NRXN3: variants seen among roughly 807,000 people sequenced by gnomAD.
NRXN3 encodes neurexin III.
Under a neutral mutation model 137.6 loss-of-function variants are expected in NRXN3, and 32 were observed. The ratio of observed to expected loss-of-function variants is 0.23; its 90% CI spans 0.18 to 0.31. NRXN3 has a LOEUF of 0.31. Ranked by LOEUF, NRXN3 falls within the 10% of genes least tolerant of loss-of-function variation. The probability of loss-of-function intolerance (pLI) is 1.00; values close to 1 mark genes in which losing one functional copy is unlikely to be tolerated. For missense variants in NRXN3, 1,574 were observed against 2,062.5 expected, an observed-to-expected ratio of 0.76 and a Z score of 4.59; for synonymous variants, 798 against 784.5, an observed-to-expected ratio of 1.02 and a Z score of -0.29.
chr14:78,712,673 C>T (rs7148462), intron 7 of NRXN3, among the ~76,000 whole-genome samples: 76,645 of 152,092 alleles, frequency 0.5, 22,659 homozygotes, highest in Non-Finnish European at 0.64. Flanking sequence ...AGGAATTCTC[C>T]TGCCTCAACC....
At chr14:78,192,065 AGTGTGTGT>A (rs34445474) in intron 1 of NRXN3, among the ~76,000 whole-genome samples, 11,912 of 142,874 alleles carry the variant, frequency 0.083, 568 homozygotes, top group East Asian at 0.2. Context: ...GCTGCCCGAA[AGTGTGTGT>A]GTGTGTGTGT....
In NRXN3 at chr14:78,868,883, T is replaced by A. The variant is rs149955022; in HGVS notation, c.2275+58539T>A. Among the ~76,000 whole-genome samples, 269 of 152,180 alleles carry A rather than the reference T, an allele frequency of 1.8e-3. 1 individual carries two copies. The highest frequency in any genetic ancestry group is 6.3e-3 in the African/African-American group (262 of 41,532). On this transcript the variant is annotated intron_variant, in intron 10 of 20. Transcript: ENST00000335750. ...AACATAGCTTTGCAACTGAATGGCA[T>A]CCCATTCACTTAGCATCATAATGGA...
At chr14:78,567,546 G>A (rs780509479) in intron 4 of NRXN3, among the ~76,000 whole-genome samples, 4 of 152,118 alleles carry the variant, frequency 2.6e-5, no homozygotes, top group African/African-American at 7.2e-5. Context: ...CTCCTGCCAA[G>A]ACTCTTGGTT....
At chr14:79,321,126 C>A (rs1425593427) in intron 15 of NRXN3, among the ~76,000 whole-genome samples, 1 of 151,988 alleles carries the variant, frequency 6.6e-6, no homozygotes, top group African/African-American at 2.4e-5. Flanking sequence ...TTTCTTTGAA[C>A]TTTGTAGTTC....
rs2096441823 is a variant in NRXN3 at position 79,467,411 on chromosome 14, A to G, written c.3444+9A>G. On this transcript the variant is annotated intron_variant, in intron 16 of 20. Coordinates refer to ENST00000335750, the MANE Select transcript of NRXN3 (RefSeq NM_001330195.2). The stretch of plus-strand genomic sequence containing the variant: ...TCCTCCAGCTTCACATAGTGAGTAC[A>G]GGGCCTTGGCCTGGATTTTCTTATG... The G allele has an allele frequency of 6.3e-7, 1 of 1,584,746 alleles. No homozygotes were observed. Among genetic ancestry groups the G allele is most frequent in the Non-Finnish European group, 8.6e-7 (1 of 1,157,602 alleles).
intron 4 of NRXN3, among the ~76,000 whole-genome samples, chr14:78,328,107 A>AAGCC (rs2080324554): frequency 6.6e-6 from 1 of 152,180 alleles, no homozygotes; most frequent in South Asian, 2.1e-4. Flanking sequence ...ACACATAACA[A>AAGCC]AGCCGACACA....
intron 1 of NRXN3, among the ~76,000 whole-genome samples, chr14:78,190,765 C>T (rs1277019519): frequency 6.6e-6 from 1 of 152,110 alleles, no homozygotes; most frequent in African/African-American, 2.4e-5. Context: ...CCTCTGCCTC[C>T]CGGGTTCAGG....
intron 8 of NRXN3, among the ~76,000 whole-genome samples, chr14:78,755,112 C>A (rs143329790): frequency 6.6e-6 from 1 of 152,016 alleles, no homozygotes. Context: ...CTGTCACCCC[C>A]GGGCTAAATT....
intron 19 of NRXN3, among the ~76,000 whole-genome samples, chr14:79,712,445 A>C (rs1234444492): frequency 1.3e-5 from 2 of 152,226 alleles, no homozygotes; most frequent in Non-Finnish European, 2.9e-5. Flanking sequence ...ACAATGTAAG[A>C]TCATACATGA....
intron 15 of NRXN3, among the ~76,000 whole-genome samples, chr14:79,061,598 C>T (rs1008071122): frequency 2.6e-5 from 4 of 152,182 alleles, no homozygotes; most frequent in Non-Finnish European, 5.9e-5. Flanking sequence ...TTTATTAGCA[C>T]TGCAGTGGAA....
intron 15 of NRXN3, among the ~76,000 whole-genome samples, chr14:79,331,960 A>G (rs540259113): frequency 6.6e-6 from 1 of 152,156 alleles, no homozygotes; most frequent in East Asian, 1.9e-4. Flanking sequence ...ACTTTATTAC[A>G]TTCCCAAATG....
intron 4 of NRXN3, among the ~76,000 whole-genome samples, chr14:78,578,998 G>T (rs2096964874): frequency 6.6e-6 from 1 of 151,940 alleles, no homozygotes; most frequent in Non-Finnish European, 1.5e-5. Flanking sequence ...TTTTACAAGT[G>T]CTGAGAGAAC....
intron 15 of NRXN3, among the ~76,000 whole-genome samples, chr14:79,133,074 G>A (rs191461136): frequency 3.3e-5 from 5 of 152,380 alleles, no homozygotes; most frequent in Admixed American, 3.3e-4. Context: ...ACTCTTTGCA[G>A]CTCAGGTCAG....
chr14:79,806,869 C>G (rs1357975558), intron 20 of NRXN3, among the ~76,000 whole-genome samples: 1 of 140,668 alleles, frequency 7.1e-6, no homozygotes, highest in Non-Finnish European at 1.5e-5. Context: ...TAATAGGTCA[C>G]AATCCTCAAT....
chr14:79,135,271 C>T (rs1379833667), intron 15 of NRXN3, among the ~76,000 whole-genome samples: 1 of 152,166 alleles, frequency 6.6e-6, no homozygotes, highest in Non-Finnish European at 1.5e-5. Context: ...ATGGTTTCAC[C>T]TCCAAGATTT....
intron 1 of NRXN3, among the ~76,000 whole-genome samples, chr14:78,228,123 A>G (rs2064915921): frequency 6.6e-6 from 1 of 151,582 alleles, no homozygotes; most frequent in African/African-American, 2.4e-5. Context: ...AAACCACTAC[A>G]CAACATTATG....
chr14:79,861,267 C>A lies in NRXN3; in HGVS notation c.4094-75C>A. 2 of 1,536,008 alleles carry A rather than the reference C, an allele frequency of 1.3e-6. No homozygotes were observed. Among genetic ancestry groups the A allele is most frequent in the Non-Finnish European group, 1.7e-6 (2 of 1,146,866 alleles). On this transcript the variant is annotated intron_variant, in intron 20 of 20. Coordinates refer to ENST00000335750, the MANE Select transcript of NRXN3 (RefSeq NM_001330195.2). The surrounding 1 kb of genome is among the most constrained non-coding windows in gnomAD (Gnocchi z 5.4). ...GGCTTGGTGATATCTGGGTATGGCT[C>A]AGGGGAAACCTTTGACTCTAACCTG...
chr14:79,364,809 A>C (rs2093819342), intron 15 of NRXN3, among the ~76,000 whole-genome samples: 1 of 152,102 alleles, frequency 6.6e-6, no homozygotes, highest in Non-Finnish European at 1.5e-5. Flanking sequence ...TCAGGTGGTA[A>C]GTAGGGGTTC....
At chr14:78,529,007 G>A (rs2096421527) in intron 4 of NRXN3, among the ~76,000 whole-genome samples, 1 of 152,110 alleles carries the variant, frequency 6.6e-6, no homozygotes. Flanking sequence ...AGAAACTGGG[G>A]CCTAAGATCA....
Sources: allele counts gnomAD v4.1 joint callset (sites outside exome capture counted in the v4.1 genomes callset), GRCh38; gene constraint gnomAD v4.1.1; non-coding constraint Gnocchi (gnomAD v3.1); transcripts MANE v1.5; gene names NCBI Gene and HGNC (gene_info 2026-07-23, HGNC 2026-07-21).